The following CHD7 variants were observed in gnomAD, a reference collection of about 807,000 sequenced individuals.
CHD7 encodes chromodomain helicase DNA binding protein 7.
In CHD7, 24 loss-of-function variants were observed where a neutral mutation model predicts 307.3. That is an observed-to-expected ratio of 0.08 (90% CI 0.06 to 0.11). The LOEUF is 0.11. Among genes scored for constraint, CHD7 ranks in the 10% least tolerant of loss-of-function variants. CHD7 has a pLI of 1.00. For missense variants in CHD7, 3,106 were observed against 3,727.1 expected (o/e 0.83, Z 4.34); for synonymous variants, 1,363 against 1,349.9 (o/e 1.01, Z -0.21).
intron 1 of CHD7, among the ~76,000 whole-genome samples, chr8:60,723,192 T>C (rs1393956896): frequency 6.6e-6 from 1 of 152,220 alleles, no homozygotes; most frequent in African/African-American, 2.4e-5. Context: ...TTCTTGGTGG[T>C]AGTTACAGGT....
intron 3 of CHD7, among the ~76,000 whole-genome samples, chr8:60,785,324 C>T (rs1174920550): frequency 1.3e-5 from 2 of 152,226 alleles, no homozygotes; most frequent in African/African-American, 2.4e-5. Flanking sequence ...GAATGCCTTT[C>T]ATTCCTTGCT....
chr8:60,866,857 G>C lies in CHD7; in HGVS notation c.*924G>C, dbSNP rs1806259692. The C allele has an allele frequency of 6.6e-6, 1 of 152,572 alleles. No individual in the cohort carries two copies. The highest frequency in any genetic ancestry group is 2.4e-5 in the African/African-American group (1 of 41,420). 9.5% of individuals were successfully genotyped at this position (152,572 alleles called of 1,614,324 possible). A position where few individuals can be genotyped will look rare whatever the true frequency, so the allele number is the denominator to read the frequency against. ...GATAAAATGTAAATTGCTGCCAACT[G>C]TAGTAATGATGCTTTTAATAAAAGT... On this transcript the variant is annotated 3_prime_UTR_variant, in exon 38 of 38. Transcript: ENST00000423902.
intron 2 of CHD7, among the ~76,000 whole-genome samples, chr8:60,754,434 C>T (rs549217448): frequency 1.4e-4 from 21 of 152,302 alleles, no homozygotes; most frequent in African/African-American, 4.6e-4. Context: ...TTTATTTTAA[C>T]TACTGTTGTA....
intron 2 of CHD7, among the ~76,000 whole-genome samples, chr8:60,753,056 A>T (rs1272195751): frequency 6.6e-6 from 1 of 152,228 alleles, no homozygotes; most frequent in Non-Finnish European, 1.5e-5. Context: ...TGGCTGCTCA[A>T]ATATGTCAGA....
At chr8:60,823,723 C>A in intron 12 of CHD7, 117 bp from the exon 13 acceptor site, 2 of 862,234 alleles carry the variant, frequency 2.3e-6, no homozygotes, top group East Asian at 2.7e-5. Flanking sequence ...ATGTATGTCA[C>A]CTAAAATAAA....
intron 1 of CHD7, among the ~76,000 whole-genome samples, chr8:60,691,294 TCTTTA>T (rs1339359723): frequency 1.1e-4 from 16 of 152,304 alleles, no homozygotes; most frequent in African/African-American, 3.1e-4. Flanking sequence ...GTAACATGAC[TCTTTA>T]CTTCTTTATA....
chr8:60,853,514 A>G lies in CHD7; in HGVS notation c.6775+14A>G, dbSNP rs760507148. 8.0e-6 allele frequency: 12 copies of G among 1,500,930 alleles called. No individual in the cohort carries two copies. The highest frequency in any genetic ancestry group is 1.1e-5 in the Non-Finnish European group (12 of 1,125,980). The allele number at this position is 1,500,930 out of a possible 1,614,324, so 93.0% of individuals were successfully genotyped here. The stretch of plus-strand genomic sequence containing the variant: ...CCCAGCCCGAAGGTAAGGCCTTACC[A>G]CTGGCCCCTCTCCTGACCCTGCAGC... On this transcript the variant is annotated intron_variant, in intron 31 of 37. Transcript: ENST00000423902.
rs1172254051 is a variant in CHD7 at position 60,865,069 on chromosome 8, G to A, written c.8130G>A (p.Arg2710=). ...FDRLLTGPVV[R]GEGASRRGRR... ...GCCTTCTCACTGGGCCTGTAGTGCGGGGAGAGGGAGCGAGCAGAAGAGGAA... is the reference window on the plus strand; with the variant it reads ...GCCTTCTCACTGGGCCTGTAGTGCGAGGAGAGGGAGCGAGCAGAAGAGGAA... The change falls in exon 38 of 38, where the codon CGG becomes CGA. Residue 2710 remains arginine (R), a synonymous_variant. Transcript: ENST00000423902. This position sits in a 1 kb window ranked among gnomAD's most constrained non-coding sequence, Gnocchi z 4.3. The A allele has an allele frequency of 6.2e-7, 1 of 1,609,960 alleles. No homozygotes were observed. Among genetic ancestry groups the A allele is most frequent in the Non-Finnish European group, 8.5e-7 (1 of 1,178,086 alleles).
In CHD7 at chr8:60,856,042, A is replaced by G. The variant is rs1222532492; in HGVS notation, c.7004A>G (p.Asn2335Ser). ...EAVLKGKWPV[N>S]RRQMFDFQGL... ...GTGTTGAAAGGCAAATGGCCAGTAA[A>G]TAGGCGCCAGATGTTTGATTTCCAA... The change falls in exon 33 of 38, where the codon AAT becomes AGT. Residue 2335 changes from asparagine to serine, a missense_variant. Coordinates refer to ENST00000423902, the MANE Select transcript of CHD7 (RefSeq NM_017780.4). The G allele has an allele frequency of 6.2e-7, 1 of 1,611,672 alleles. No individual in the cohort carries two copies. The highest frequency in any genetic ancestry group is 8.5e-7 in the Non-Finnish European group (1 of 1,178,904).
intron 2 of CHD7, among the ~76,000 whole-genome samples, chr8:60,748,657 A>C (rs1460849678): frequency 6.6e-6 from 1 of 152,254 alleles, no homozygotes; most frequent in East Asian, 1.9e-4. Context: ...TCTTAAGGTT[A>C]CAGGCAAGTC....
At position 60,816,714 on chromosome 8, in the gene CHD7, T is replaced by G. The variant is rs4737565; in HGVS notation, c.2613+213T>G. On this transcript the variant is annotated intron_variant, in intron 8 of 37. Transcript: ENST00000423902. ...CTAGAAGATATGGGTCCTTATGATA[T>G]TATGTGGAAATAGCGGTGATGGTAT... Among the ~76,000 whole-genome samples the G allele has an allele frequency of 0.73, 110,497 of 152,128 alleles. 41,070 individuals are homozygous for G. Among genetic ancestry groups the G allele is most frequent in the East Asian group, 0.93 (4,837 of 5,184 alleles).
chr8:60,848,595 C>T lies in CHD7; in HGVS notation c.5291C>T (p.Ala1764Val), dbSNP rs764957919. The change falls in exon 24 of 38, where the codon GCT becomes GTT. Residue 1764 changes from alanine to valine, a missense_variant. Around this residue, in one of 10 missense-constraint regions of CHD7, gnomAD observed 1,030 missense variants for 1,165.4 expected, o/e 0.88. Coordinates refer to ENST00000423902, the MANE Select transcript of CHD7 (RefSeq NM_017780.4). ...GDQADKILEGADSSEADVWIP... is the reference protein window; with the variant it reads ...GDQADKILEGVDSSEADVWIP... The stretch of plus-strand genomic sequence containing the variant: ...CAGGCGGATAAGATCTTAGAGGGTG[C>T]TGACTCAAGGTTAGTGCGAGCTCAC... The T allele has an allele frequency of 3.1e-6, 5 of 1,612,438 alleles. No individual in the cohort carries two copies. In the Admixed American group the frequency reaches 5.0e-5, roughly 16 times the overall value.
chr8:60,788,194 G>T (rs972200649), intron 3 of CHD7, among the ~76,000 whole-genome samples: 85 of 151,152 alleles, frequency 5.6e-4, no homozygotes, highest in Middle Eastern at 3.4e-3. Context: ...CACAGTCTCA[G>T]CTCACTGCAG....
rs371417969 is a variant in CHD7 at position 60,865,952 on chromosome 8, C to G, written c.*19C>G. 1.9e-6 allele frequency: 3 copies of G among 1,575,186 alleles called. No homozygotes were observed. The highest frequency in any genetic ancestry group is 1.8e-5 in the Admixed American group (1 of 54,086). ...TGAATAACCAGTACCAGTTCCAGTTCAAGTGTTTAAAACTTTTGACAAGTG... is the reference window on the plus strand; with the variant it reads ...TGAATAACCAGTACCAGTTCCAGTTGAAGTGTTTAAAACTTTTGACAAGTG... On this transcript the variant is annotated 3_prime_UTR_variant, in exon 38 of 38. Transcript: ENST00000423902. The surrounding 1 kb of genome is among the most constrained non-coding windows in gnomAD (Gnocchi z 4.3).
rs186261411 is a variant in CHD7, at chr8:60,693,420, C to A, written c.-175+14338C>A. ...CTTGGGGCACCTGCAGAGAGAGGGT[C>A]CCCCCTCCAGCTCTGCTCCTCTGGC... On this transcript the variant is annotated intron_variant, in intron 1 of 37. Transcript: ENST00000423902. Among the ~76,000 whole-genome samples the A allele has an allele frequency of 3.9e-5, 6 of 152,322 alleles. No homozygotes were observed. In the East Asian group the frequency reaches 9.6e-4, roughly 24 times the overall value.
At chr8:60,804,313 A>G (rs1289540700) in intron 6 of CHD7, among the ~76,000 whole-genome samples, 1 of 151,880 alleles carries the variant, frequency 6.6e-6, no homozygotes, top group Non-Finnish European at 1.5e-5. Context: ...GCTTTGAGCC[A>G]TTCATCTTTG....
chr8:60,776,351 T>C (rs923796241), intron 2 of CHD7, among the ~76,000 whole-genome samples: 1 of 152,218 alleles, frequency 6.6e-6, no homozygotes, highest in African/African-American at 2.4e-5. Context: ...TTATATCAAA[T>C]AATTAAAGTT....
At chr8:60,696,099 T>G (rs146697728) in intron 1 of CHD7, among the ~76,000 whole-genome samples, 131 of 152,268 alleles carry the variant, frequency 8.6e-4, no homozygotes, top group Non-Finnish European at 7.4e-5. Flanking sequence ...GCACTGAAAA[T>G]CATGTTTTTG....
At chr8:60,811,107 T>C (rs1026894850) in intron 7 of CHD7, among the ~76,000 whole-genome samples, 2 of 152,176 alleles carry the variant, frequency 1.3e-5, no homozygotes, top group Admixed American at 6.5e-5. Flanking sequence ...GTGGAAAAAT[T>C]GTCTTCCACG....
Sources: allele counts gnomAD v4.1 joint callset (sites outside exome capture counted in the v4.1 genomes callset), GRCh38; gene constraint gnomAD v4.1.1; regional missense constraint gnomAD v4.1.1; non-coding constraint Gnocchi (gnomAD v3.1); transcripts MANE v1.5; gene names NCBI Gene and HGNC (gene_info 2026-07-23, HGNC 2026-07-21).